DNAH8: variants seen among roughly 807,000 people sequenced by gnomAD.
The protein encoded by DNAH8 is dynein axonemal heavy chain 8, also known as axonemal beta dynein heavy chain 8.
DNAH8 carries 382 observed loss-of-function variants against 562.1 expected under a neutral mutation model. That is an observed-to-expected ratio of 0.68 (90% CI 0.63 to 0.74). The LOEUF (loss-of-function observed/expected upper bound fraction) is 0.74, where lower values mean the gene tolerates loss of function less well. DNAH8 is among the 30% of genes least tolerant of loss of function. The pLI, the probability that DNAH8 is intolerant of heterozygous loss-of-function variation, is 0.00. For synonymous variants in DNAH8, 1,881 were observed against 1,919.4 expected, an observed-to-expected ratio of 0.98 and a Z score of 0.52; for missense variants, 5,203 against 5,620.4, an observed-to-expected ratio of 0.93 and a Z score of 2.37.
rs575966640 is a variant in DNAH8 at position 38,883,035 on chromosome 6, A to G, written c.7984A>G (p.Ile2662Val). 21 of 1,595,666 alleles carry G rather than the reference A, an allele frequency of 1.3e-5. No individual in the cohort carries two copies. Among genetic ancestry groups the G allele is most frequent in the Non-Finnish European group, 1.8e-5 (21 of 1,174,318 alleles). Residue 2662 changes from isoleucine (I) to valine (V), a missense_variant, in exon 54 of 93, where the codon ATT becomes GTT. Ile to Val is a conservative substitution (Grantham distance 29). Transcript: ENST00000327475. ...NIRTNFLIDT[I>V]AKQHKAVLLT... is the part of the protein sequence containing the mutation. Reference sequence around the variant, plus strand: ...TAGAACAAATTTTTTGATAGACACCATTGCAAAACAACATAAAGTAAGTTT... The same window carrying G: ...TAGAACAAATTTTTTGATAGACACCGTTGCAAAACAACATAAAGTAAGTTT...
chr6:39,011,120 C>T (rs1766185610), intron 89 of DNAH8, among the ~76,000 whole-genome samples: 1 of 151,910 alleles, frequency 6.6e-6, no homozygotes, highest in Non-Finnish European at 1.5e-5. Context: ...TATCTCCTTC[C>T]CTTTTTGTGC....
At chr6:38,803,104 T>G in intron 21 of DNAH8, 75 bp from the exon 22 acceptor site, 4 of 1,014,156 alleles carry the variant, frequency 3.9e-6, no homozygotes, top group Non-Finnish European at 5.5e-6. Flanking sequence ...TTTTATAAAT[T>G]AAAGTCATAG....
At chr6:38,715,722 G>A (rs1267624727) in intron 1 of DNAH8, among the ~76,000 whole-genome samples, 1 of 151,326 alleles carries the variant, frequency 6.6e-6, no homozygotes, top group Non-Finnish European at 1.5e-5. Flanking sequence ...GCTACGCAAA[G>A]GCATCCAGAG....
At chr6:38,738,426 C>G (rs1429366889) in intron 7 of DNAH8, among the ~76,000 whole-genome samples, 2 of 152,172 alleles carry the variant, frequency 1.3e-5, no homozygotes, top group African/African-American at 2.4e-5. Flanking sequence ...GGCAAGCCTG[C>G]AGCTCTATGG....
intron 63 of DNAH8, 103 bp from the exon 64 acceptor site, chr6:38,907,853 A>G (rs1250360026): frequency 5.8e-6 from 6 of 1,038,852 alleles, no homozygotes; most frequent in Non-Finnish European, 7.9e-6. Context: ...AGAAAATATG[A>G]AACAAGATGA....
intron 53 of DNAH8, among the ~76,000 whole-genome samples, chr6:38,876,980 G>T (rs187091345): frequency 6.6e-5 from 10 of 152,274 alleles, no homozygotes; most frequent in Admixed American, 6.5e-4. Context: ...GCTGCTAAAG[G>T]TTTGAGATGG....
chr6:38,924,824 A>T (rs1467211194), intron 73 of DNAH8: 1 of 152,160 alleles, frequency 6.6e-6, no homozygotes, highest in African/African-American at 2.4e-5. Context: ...CCTTATTTTC[A>T]TTATTTGCTA....
chr6:38,980,181 C>G (rs2150708794), intron 85 of DNAH8, among the ~76,000 whole-genome samples: 1 of 152,140 alleles, frequency 6.6e-6, no homozygotes, highest in South Asian at 2.1e-4. Flanking sequence ...TAATAATCGA[C>G]CAGTGTTTAT....
In DNAH8 at chr6:38,734,327, C is replaced by CG. The variant is rs1554195321; in HGVS notation, c.611-147_611-146insG. 4.3e-5 allele frequency: 7 copies of CG among 162,742 alleles called. 1 individual carries two copies. Among genetic ancestry groups the CG allele is most frequent in the African/African-American group, 3.6e-4 (2 of 5,528 alleles). 10.1% of individuals were successfully genotyped at this position (162,742 alleles called of 1,614,324 possible). On this transcript the variant is annotated intron_variant, in intron 4 of 92. Transcript: ENST00000327475. ...GTAATTATTGGCATCTTCTAGTAGACCCCCCCCCAAAAAAATTATTCTATG... is the reference window on the plus strand; with the variant it reads ...GTAATTATTGGCATCTTCTAGTAGACGCCCCCCCCAAAAAAATTATTCTATG...
chr6:38,850,138 C>T lies in DNAH8; in HGVS notation c.5200-113C>T, dbSNP rs777356968. Reference sequence around the variant, plus strand: ...AAAATTGTCTGTTTAAATTATGCAGCCTGAGACTAATAGAGGCTGGTTTGA... The same window carrying T: ...AAAATTGTCTGTTTAAATTATGCAGTCTGAGACTAATAGAGGCTGGTTTGA... On this transcript the variant is annotated intron_variant, in intron 37 of 92. Coordinates refer to ENST00000327475, the MANE Select transcript of DNAH8 (RefSeq NM_001206927.2). The T allele has an allele frequency of 1.8e-5, 17 of 968,086 alleles. No individual in the cohort carries two copies. In the African/African-American group the frequency reaches 2.6e-4, roughly 15 times the overall value. 60.0% of individuals were successfully genotyped at this position (968,086 alleles called of 1,614,324 possible). A position where few individuals can be genotyped will look rare whatever the true frequency, so the allele number is the denominator to read the frequency against.
At chr6:38,778,233 C>G (rs1768251310) in intron 13 of DNAH8, among the ~76,000 whole-genome samples, 155 bp from the exon 14 acceptor site, 3 of 152,142 alleles carry the variant, frequency 2.0e-5, no homozygotes, top group Non-Finnish European at 2.9e-5. Context: ...GGCCAAAGTC[C>G]ATCATACTGG....
intron 60 of DNAH8, 64 bp from the exon 61 acceptor site, chr6:38,898,194 A>G (rs1036901422): frequency 2.8e-6 from 4 of 1,408,904 alleles, no homozygotes; most frequent in African/African-American, 3.0e-5. Flanking sequence ...TGTCTTTACA[A>G]TTGCTACTTT....
intron 86 of DNAH8, 74 bp from the exon 87 acceptor site, chr6:38,984,132 A>G (rs1374345455): frequency 1.2e-6 from 1 of 831,430 alleles, no homozygotes; most frequent in Non-Finnish European, 1.9e-6. Context: ...CCTTTCCTCT[A>G]GGGAAAGACC....
intron 91 of DNAH8, among the ~76,000 whole-genome samples, chr6:39,022,304 T>C (rs1766970808): frequency 6.6e-6 from 1 of 152,202 alleles, no homozygotes; most frequent in African/African-American, 2.4e-5. Context: ...GCTGCTACCT[T>C]TTTATCTGCC....
chr6:38,936,813 A>G (rs1347687944), intron 77 of DNAH8, among the ~76,000 whole-genome samples: 1 of 152,144 alleles, frequency 6.6e-6, no homozygotes, highest in Non-Finnish European at 1.5e-5. Flanking sequence ...TAGACAGCAT[A>G]CCCGTTGGAG....
chr6:38,914,078 C>G, intron 67 of DNAH8, 126 bp downstream of exon 67: 1 of 663,574 alleles, frequency 1.5e-6, no homozygotes, highest in East Asian at 2.9e-5. Context: ...AGATAGTGTT[C>G]ACAAAGACCA....
At chr6:38,919,675 A>G (rs1781554756) in intron 70 of DNAH8, among the ~76,000 whole-genome samples, 1 of 152,170 alleles carries the variant, frequency 6.6e-6, no homozygotes, top group African/African-American at 2.4e-5. Flanking sequence ...CCCGAAAGCA[A>G]AAAATCCTGG....
At chr6:38,979,047 G>C (rs769306070) in intron 85 of DNAH8, among the ~76,000 whole-genome samples, 1 of 152,170 alleles carries the variant, frequency 6.6e-6, no homozygotes, top group Non-Finnish European at 1.5e-5. Flanking sequence ...GAACTAGCCC[G>C]CTACTGCAGT....
At chr6:38,832,214 C>T (rs1212116779) in intron 30 of DNAH8, 108 bp from the exon 31 acceptor site, 2 of 663,948 alleles carry the variant, frequency 3.0e-6, no homozygotes, top group Non-Finnish European at 2.6e-6. Flanking sequence ...CAGAGACTTC[C>T]TTGTTCATAT....
Sources: allele counts gnomAD v4.1 joint callset (sites outside exome capture counted in the v4.1 genomes callset), GRCh38; gene constraint gnomAD v4.1.1; transcripts MANE v1.5; gene names NCBI Gene and HGNC (gene_info 2026-07-23, HGNC 2026-07-21).